The following ZFYVE28 variants were observed in gnomAD, a reference collection of about 807,000 sequenced individuals.
The protein encoded by ZFYVE28 is zinc finger FYVE-type containing 28, also known as lateral signaling target protein 2 homolog.
A neutral mutation model predicts 82.1 loss-of-function variants in ZFYVE28; 40 were observed. The ratio of observed to expected loss-of-function variants is 0.49; its 90% confidence interval spans 0.38 to 0.63. The LOEUF is 0.63. ZFYVE28 is among the 30% of genes least tolerant of loss of function. The pLI, the probability that ZFYVE28 is intolerant of heterozygous loss-of-function variation, is 0.00. For missense variants in ZFYVE28, 1,321 were observed against 1,242.1 expected (o/e 1.06, Z -0.96); for synonymous variants, 612 against 546.1 (o/e 1.12, Z -1.68).
At position 2,393,103 on chromosome 4, in the gene ZFYVE28, G is replaced by A. The variant is rs557123243; in HGVS notation, c.39+25182C>T. ...CCTCCTTTGAGGACGCTGTCATATT[G>A]ATCATGGCCAGTCAATCCCATCTCA... On this transcript the variant is annotated intron_variant, in intron 1 of 12. Coordinates refer to ENST00000290974, the MANE Select transcript of ZFYVE28 (RefSeq NM_020972.3). Among the ~76,000 whole-genome samples the A allele has an allele frequency of 2.6e-5, 4 of 152,292 alleles. No homozygotes were observed. The East Asian group carries it at 7.7e-4, about 29-fold the overall frequency.
chr4:2,270,643 G>C lies in ZFYVE28; in HGVS notation c.*82C>G. 4 of 1,582,648 alleles carry C rather than the reference G, an allele frequency of 2.5e-6. No homozygotes were observed. The South Asian group carries it at 3.4e-5, about 14-fold the overall frequency. On this transcript the variant is annotated 3_prime_UTR_variant, in exon 13 of 13. Coordinates refer to ENST00000290974, the MANE Select transcript of ZFYVE28 (RefSeq NM_020972.3). Reference sequence around the variant, plus strand: ...AGCAGCGGCAGCGGCCTCATGAGACGCAGTGAGACCTGCCTGCAGCGTGGC... The same window carrying C: ...AGCAGCGGCAGCGGCCTCATGAGACCCAGTGAGACCTGCCTGCAGCGTGGC...
chr4:2,337,435 T>A lies in ZFYVE28; in HGVS notation c.583A>T (p.Ile195Phe), dbSNP rs1179173057. The change falls in exon 5 of 13, where the codon ATC becomes TTC. Residue 195 changes from isoleucine (I) to phenylalanine (F), a missense_variant. By Grantham distance (21) the Ile-to-Phe change is conservative. This residue lies in a region of ZFYVE28 where 343 missense variants were observed against 408.4 expected (regional missense o/e 0.84). Coordinates refer to ENST00000290974, the MANE Select transcript of ZFYVE28 (RefSeq NM_020972.3). The stretch of plus-strand genomic sequence containing the variant: ...TCCACCGTCTCGCAGAAGAGCACGA[T>A]GACCTCCTGCTGCACGTAGTACTCC... ...PREYYVQQEVIVLFCETVERA... is the reference protein window; with the variant it reads ...PREYYVQQEVFVLFCETVERA... 1 of 1,610,184 alleles carries A rather than the reference T, an allele frequency of 6.2e-7. No homozygotes were observed. Among genetic ancestry groups the A allele is most frequent in the Non-Finnish European group, 8.5e-7 (1 of 1,178,002 alleles).
chr4:2,363,204 G>A (rs1726399331), intron 1 of ZFYVE28, among the ~76,000 whole-genome samples: 1 of 152,154 alleles, frequency 6.6e-6, no homozygotes, highest in Non-Finnish European at 1.5e-5. Context: ...CCCAGCTCAG[G>A]TCACCTGTGG....
intron 8 of ZFYVE28, among the ~76,000 whole-genome samples, chr4:2,278,541 C>T (rs1176237825): frequency 6.6e-6 from 1 of 151,736 alleles, no homozygotes; most frequent in Non-Finnish European, 1.5e-5. Flanking sequence ...TTAGGCTAGG[C>T]CACAGTTTCC....
Position 2,362,630 on chromosome 4 carries a change from G to A in ZFYVE28, c.40-8557C>T, listed in dbSNP as rs993381755. ...CACCCCAGGGGCTGCCAGGCTGGGG[G>A]CCCACTGACCTGGCAGCACCACCAG... On this transcript the variant is annotated intron_variant, in intron 1 of 12. Transcript: ENST00000290974. This position sits in a 1 kb window ranked among gnomAD's most constrained non-coding sequence, Gnocchi z 5.1. 5.9e-5 allele frequency among the ~76,000 whole-genome samples: 9 copies of A among 152,122 alleles called. No homozygotes were observed. Among genetic ancestry groups the A allele is most frequent in the African/African-American group, 2.2e-4 (9 of 41,438 alleles).
At chr4:2,327,881 A>C (rs1720114035) in intron 6 of ZFYVE28, among the ~76,000 whole-genome samples, 1 of 152,232 alleles carries the variant, frequency 6.6e-6, no homozygotes. Context: ...ATTTGTCTGA[A>C]TATCTTTTAT....
At chr4:2,361,920 C>G (rs1008999463) in intron 1 of ZFYVE28, among the ~76,000 whole-genome samples, 4 of 152,114 alleles carry the variant, frequency 2.6e-5, no homozygotes, top group African/African-American at 9.7e-5. Flanking sequence ...GGTGGCGGGA[C>G]AGATGGGAGG....
intron 3 of ZFYVE28, among the ~76,000 whole-genome samples, chr4:2,340,290 CAT>C (rs1722585971): frequency 1.3e-5 from 2 of 152,312 alleles, no homozygotes; most frequent in Non-Finnish European, 2.9e-5. Context: ...CAAATCCACC[CAT>C]GTCTGCCCTG....
Position 2,342,134 on chromosome 4 carries a change from C to A in ZFYVE28, c.181-519G>T, listed in dbSNP as rs1722917837. 2.0e-5 allele frequency among the ~76,000 whole-genome samples: 3 copies of A among 152,326 alleles called. No individual in the cohort carries two copies. The South Asian group carries it at 6.2e-4, about 32-fold the overall frequency. On this transcript the variant is annotated intron_variant, in intron 2 of 12. Transcript: ENST00000290974. ...AGGGACACAGACCACGTCTTAGGGT[C>A]AGAAGAGTGCAGTTACGTCAAGGCC...
intron 2 of ZFYVE28, among the ~76,000 whole-genome samples, chr4:2,352,412 G>A (rs531393418): frequency 6.6e-6 from 1 of 152,082 alleles, no homozygotes; most frequent in South Asian, 2.1e-4. Flanking sequence ...TAGGAGGAGG[G>A]AGGAAGAGGG....
intron 6 of ZFYVE28, chr4:2,330,615 C>G (rs3118620): frequency 0.76 from 1,012,960 of 1,333,930 alleles, 386,585 homozygotes; most frequent in Middle Eastern, 0.83. Flanking sequence ...ACAGCATAGA[C>G]AAGGGGACAG....
chr4:2,411,268 A>AGG (rs1474251524), intron 1 of ZFYVE28, among the ~76,000 whole-genome samples: 5 of 152,106 alleles, frequency 3.3e-5, no homozygotes, highest in Non-Finnish European at 7.3e-5. Context: ...TCCCTCCAGC[A>AGG]GGAAAACAAT....
At chr4:2,270,932 C>T in intron 12 of ZFYVE28, 76 bp from the exon 13 acceptor site, 1 of 1,544,042 alleles carries the variant, frequency 6.5e-7, no homozygotes, top group Non-Finnish European at 8.7e-7. Flanking sequence ...CTCCCACACA[C>T]CTACCCACCC....
rs138156808 is a variant in ZFYVE28 at position 2,354,959 on chromosome 4, ACT to A, written c.40-888_40-887del. Among the ~76,000 whole-genome samples, 1,060 of 150,888 alleles carry A rather than the reference ACT, an allele frequency of 7.0e-3. 13 individuals are homozygous for A. The highest frequency in any genetic ancestry group is 0.024 in the African/African-American group (1,002 of 41,088). Reference sequence around the variant, plus strand: ...CCACACCAGTGCACTGTGGCAGGAAACTCTACGCTCAGAGGTTCCCCTCCCAC... The same window carrying A: ...CCACACCAGTGCACTGTGGCAGGAAACTACGCTCAGAGGTTCCCCTCCCAC... On this transcript the variant is annotated intron_variant, in intron 1 of 12. Coordinates refer to ENST00000290974, the MANE Select transcript of ZFYVE28 (RefSeq NM_020972.3).
intron 8 of ZFYVE28, among the ~76,000 whole-genome samples, chr4:2,298,445 C>A (rs770384039): frequency 1.3e-5 from 2 of 152,218 alleles, no homozygotes; most frequent in African/African-American, 4.8e-5. Context: ...GCACTCCCCA[C>A]CATGACTCCA....
intron 1 of ZFYVE28, among the ~76,000 whole-genome samples, chr4:2,378,011 C>A (rs947951262): frequency 2.0e-5 from 3 of 152,198 alleles, no homozygotes; most frequent in Admixed American, 1.3e-4. Flanking sequence ...GGGAAGTATT[C>A]GTGTACCTAA....
At chr4:2,314,218 A>T (rs1200805823) in intron 7 of ZFYVE28, among the ~76,000 whole-genome samples, 3 of 152,180 alleles carry the variant, frequency 2.0e-5, no homozygotes, top group African/African-American at 7.2e-5. Flanking sequence ...TAACTACAAC[A>T]ACTTTCTTTG....
At chr4:2,402,207 G>A (rs2108674805) in intron 1 of ZFYVE28, among the ~76,000 whole-genome samples, 1 of 152,348 alleles carries the variant, frequency 6.6e-6, no homozygotes, top group Admixed American at 6.5e-5. Flanking sequence ...AGACAGCGCT[G>A]CAGCTGGGAG....
rs779453659 is a variant in ZFYVE28, at chr4:2,372,821, C to T, written c.40-18748G>A. ...GCACACCCCTAAGACCTAGCCTCCC[C>T]GAGGCCTCTCCCCATGGCTGACTCA... On this transcript the variant is annotated intron_variant, in intron 1 of 12. Coordinates refer to ENST00000290974, the MANE Select transcript of ZFYVE28 (RefSeq NM_020972.3). The surrounding 1 kb of genome is among the most constrained non-coding windows in gnomAD (Gnocchi z 5.2). 2.6e-5 allele frequency among the ~76,000 whole-genome samples: 4 copies of T among 152,122 alleles called. No homozygotes were observed. The highest frequency in any genetic ancestry group is 2.1e-4 in the South Asian group (1 of 4,828).
Sources: gnomAD v4.1 joint callset for allele counts (sites outside exome capture counted in the v4.1 genomes callset) on GRCh38, gnomAD v4.1.1 for gene constraint, gnomAD v4.1.1 regional missense constraint, Gnocchi (gnomAD v3.1) non-coding constraint, MANE v1.5 for transcripts, NCBI Gene and HGNC (gene_info 2026-07-23, HGNC 2026-07-21) for gene names.